Variants in RB1 observed in about 807,000 individuals in gnomAD.
RB1 encodes the protein retinoblastoma-associated protein.
In RB1, 18 loss-of-function variants were observed where a neutral mutation model predicts 135.4. That is an observed-to-expected ratio of 0.13 (90% CI 0.09 to 0.20). The LOEUF is 0.20. Among genes scored for constraint, RB1 ranks in the 10% least tolerant of loss-of-function variants. The pLI, the probability that RB1 is intolerant of heterozygous loss-of-function variation, is 1.00. For missense variants in RB1, 868 were observed against 1,110.0 expected (o/e 0.78, Z 3.10); for synonymous variants, 365 against 373.2 (o/e 0.98, Z 0.25).
chr13:48,328,979 A>T (rs1952311372), intron 2 of RB1, among the ~76,000 whole-genome samples: 1 of 152,094 alleles, frequency 6.6e-6, no homozygotes, highest in Admixed American at 6.6e-5. Flanking sequence ...ATTTATATAC[A>T]TTATAACTTT....
At chr13:48,459,863 C>A (rs1443065705) in intron 20 of RB1, 30 bp downstream of exon 20, 4 of 1,565,406 alleles carry the variant, frequency 2.6e-6, no homozygotes, top group African/African-American at 2.8e-5. Context: ...CACCTTCTCT[C>A]CTCCCTACTT....
intron 2 of RB1, among the ~76,000 whole-genome samples, chr13:48,315,426 G>T (rs1952173544): frequency 6.6e-6 from 1 of 152,140 alleles, no homozygotes; most frequent in Non-Finnish European, 1.5e-5. Flanking sequence ...CTTTTGATCA[G>T]AGACTATGGG....
intron 17 of RB1, among the ~76,000 whole-genome samples, chr13:48,406,906 C>T (rs1188406615): frequency 6.6e-6 from 1 of 152,128 alleles, no homozygotes; most frequent in Non-Finnish European, 1.5e-5. Context: ...AACAAACAAA[C>T]AAACAAACAG....
At chr13:48,334,507 TCA>T (rs1316836210) in intron 2 of RB1, among the ~76,000 whole-genome samples, 1 of 152,186 alleles carries the variant, frequency 6.6e-6, no homozygotes, top group Non-Finnish European at 1.5e-5. Flanking sequence ...TATTACAGTC[TCA>T]TGAACTATGC....
At chr13:48,412,837 G>A (rs1003658017) in intron 17 of RB1, 5 of 205,256 alleles carry the variant, frequency 2.4e-5, no homozygotes, top group African/African-American at 1.2e-4. Context: ...CAAAGTTAAT[G>A]TTTCTTTATG....
At chr13:48,348,050 C>A (rs1429320435) in intron 5 of RB1, among the ~76,000 whole-genome samples, 187 bp downstream of exon 5, 2 of 151,956 alleles carry the variant, frequency 1.3e-5, no homozygotes, top group East Asian at 3.9e-4. Flanking sequence ...AAAATACATG[C>A]CTTGTACTAC....
chr13:48,329,922 T>TA (rs1952318399), intron 2 of RB1, among the ~76,000 whole-genome samples: 1 of 152,124 alleles, frequency 6.6e-6, no homozygotes. Flanking sequence ...ATCAATCATA[T>TA]GTCAGGCCAT....
chr13:48,479,444 G>T (rs1194093656), intron 26 of RB1, among the ~76,000 whole-genome samples: 2 of 152,116 alleles, frequency 1.3e-5, no homozygotes, highest in Non-Finnish European at 2.9e-5. Context: ...CTACAAAATG[G>T]GGCATACCTG....
intron 17 of RB1, among the ~76,000 whole-genome samples, chr13:48,441,849 A>G (rs1441046771): frequency 1.3e-5 from 2 of 152,312 alleles, no homozygotes; most frequent in African/African-American, 4.8e-5. Context: ...GGCAGGAATT[A>G]TTTAAAAATG....
intron 17 of RB1, among the ~76,000 whole-genome samples, chr13:48,449,298 A>T (rs74941961): frequency 0.012 from 1,772 of 152,316 alleles, 88 homozygotes; most frequent in Admixed American, 0.08. Context: ...GAGGTTTGGG[A>T]ACTTCATTGT....
rs1230164954 is a variant in RB1 at position 48,329,469 on chromosome 13, A to G, written c.265-13130A>G. Reference sequence around the variant, plus strand: ...GTGTTACTATACTGCGTTGAATTTTAGCAAAGGTAAAGTATTTGCTATTTT... The same window carrying G: ...GTGTTACTATACTGCGTTGAATTTTGGCAAAGGTAAAGTATTTGCTATTTT... On this transcript the variant is annotated intron_variant, in intron 2 of 26. Transcript: ENST00000267163. 5.3e-5 allele frequency among the ~76,000 whole-genome samples: 8 copies of G among 152,226 alleles called. No individual in the cohort carries two copies. In the South Asian group the frequency reaches 1.4e-3, roughly 28 times the overall value.
At chr13:48,429,601 A>C (rs1949109590) in intron 17 of RB1, 1 of 152,112 alleles carries the variant, frequency 6.6e-6, no homozygotes, top group Non-Finnish European at 1.5e-5. Context: ...AAAAAAAAAC[A>C]AAAAACCTTG....
chr13:48,372,249 A>G (rs139438251), intron 11 of RB1, among the ~76,000 whole-genome samples: 1 of 152,356 alleles, frequency 6.6e-6, no homozygotes, highest in East Asian at 1.9e-4. Flanking sequence ...AAGGTCAAGT[A>G]TTAGAACAAA....
At chr13:48,320,064 C>A (rs1952221247) in intron 2 of RB1, 1 of 565,258 alleles carries the variant, frequency 1.8e-6, no homozygotes, top group Non-Finnish European at 3.1e-6. Context: ...CCACTCTTTG[C>A]CTTTAGGTAC....
chr13:48,331,929 A>G (rs1375185775), intron 2 of RB1, among the ~76,000 whole-genome samples: 1 of 152,236 alleles, frequency 6.6e-6, no homozygotes, highest in Non-Finnish European at 1.5e-5. Flanking sequence ...AACCCATTGT[A>G]AGTCAAAAAT....
chr13:48,409,571 T>A (rs1430006090), intron 17 of RB1, among the ~76,000 whole-genome samples: 2 of 4,396 alleles, frequency 4.5e-4, no homozygotes, highest in South Asian at 0.021. Context: ...AACTGCTTGA[T>A]TTTTTTTTTT....
At chr13:48,347,684 T>G in intron 4 of RB1, 141 bp from the exon 5 acceptor site, 1 of 596,050 alleles carries the variant, frequency 1.7e-6, no homozygotes, top group South Asian at 2.2e-5. Context: ...AAAATCTACT[T>G]GAACTTTGTT....
intron 6 of RB1, among the ~76,000 whole-genome samples, chr13:48,351,510 A>T (rs1170165479): frequency 6.6e-6 from 1 of 151,140 alleles, no homozygotes; most frequent in African/African-American, 2.5e-5. Flanking sequence ...CATAGTTTGC[A>T]AAATTTTTCC....
chr13:48,465,097 T>C lies in RB1; in HGVS notation c.2311T>C (p.Tyr771His), dbSNP rs746038522. ...MQRLKTNILQYASTRPPTLSP... is the reference protein window; with the variant it reads ...MQRLKTNILQHASTRPPTLSP... Reference sequence around the variant, plus strand: ...GAGACTGAAAACAAATATTTTGCAGTATGCTTCCACCAGGGTAGGTCAAAA... The same window carrying C: ...GAGACTGAAAACAAATATTTTGCAGCATGCTTCCACCAGGGTAGGTCAAAA... The change falls in exon 22 of 27, where the codon TAT (tyrosine) becomes CAT (histidine). Residue 771 changes from tyrosine to histidine, a missense_variant. Tyr to His is a moderately conservative substitution (Grantham distance 83). Transcript: ENST00000267163. 4 of 1,613,896 alleles carry C rather than the reference T, an allele frequency of 2.5e-6. No homozygotes were observed. The highest frequency in any genetic ancestry group is 1.1e-5 in the South Asian group (1 of 91,072).
Sources: gnomAD v4.1 joint callset for allele counts (sites outside exome capture counted in the v4.1 genomes callset) on GRCh38, gnomAD v4.1.1 for gene constraint, MANE v1.5 for transcripts, NCBI Gene and HGNC (gene_info 2026-07-23, HGNC 2026-07-21) for gene names.